The following NOC3L variants were observed in gnomAD, a reference collection of about 807,000 sequenced individuals.
NOC3L encodes nucleolar complex protein 3 homolog.
Under a neutral mutation model 102.5 loss-of-function variants are expected in NOC3L, and 85 were observed. The ratio of observed to expected loss-of-function variants is 0.83; its 90% CI spans 0.70 to 0.99. NOC3L has a LOEUF of 0.99. NOC3L is among the 50% of genes least tolerant of loss of function. NOC3L has a pLI of 0.00. For missense variants in NOC3L, 878 were observed against 914.9 expected (o/e 0.96, Z 0.52); for synonymous variants, 303 against 309.4 (o/e 0.98, Z 0.22).
chr10:94,349,343 G>C lies in NOC3L; in HGVS notation c.1164C>G (p.Leu388=). Residue 388 remains leucine, a synonymous_variant, in exon 10 of 21, where the codon CTC becomes CTG. Transcript: ENST00000371361. ...SEMCCEAVKK[L]FKQDKLGQAS... Reference sequence around the variant, plus strand: ...CTTGGCCTAATTTATCTTGCTTAAAGAGTTTCTTCACAGCTTCACAACACA... The same window carrying C: ...CTTGGCCTAATTTATCTTGCTTAAACAGTTTCTTCACAGCTTCACAACACA... 6.3e-7 allele frequency: 1 copy of C among 1,581,738 alleles called. No homozygotes were observed. Among genetic ancestry groups the C allele is most frequent in the Non-Finnish European group, 8.5e-7 (1 of 1,171,624 alleles).
At chr10:94,349,674 T>C (rs1467429832) in intron 9 of NOC3L, among the ~76,000 whole-genome samples, 2 of 152,318 alleles carry the variant, frequency 1.3e-5, no homozygotes, top group Admixed American at 6.5e-5. Context: ...GTTTAATAAA[T>C]TGACATTATT....
intron 5 of NOC3L, among the ~76,000 whole-genome samples, chr10:94,355,955 A>G (rs544194196): frequency 9.2e-5 from 14 of 152,324 alleles, no homozygotes; most frequent in African/African-American, 2.2e-4. Flanking sequence ...AAACAGTTAA[A>G]CAGTTGACCT....
At position 94,346,414 on chromosome 10, in the gene NOC3L, A is replaced by C; in HGVS notation, c.1389+11T>G. 4 of 1,471,492 alleles carry C rather than the reference A, an allele frequency of 2.7e-6. No individual in the cohort carries two copies. Among genetic ancestry groups the C allele is most frequent in the Non-Finnish European group, 3.6e-6 (4 of 1,105,944 alleles). The allele number at this position is 1,471,492 out of a possible 1,614,324, so 91.2% of individuals were successfully genotyped here. ...AAATTTAAATGAAACAAAAGGGGAA[A>C]TAAGTCAAACCTTTCTCTGCATTCT... On this transcript the variant is annotated intron_variant, in intron 11 of 20. Coordinates refer to ENST00000371361, the MANE Select transcript of NOC3L (RefSeq NM_022451.11).
intron 2 of NOC3L, among the ~76,000 whole-genome samples, chr10:94,359,927 AC>A (rs1306339878): frequency 6.6e-6 from 1 of 152,168 alleles, no homozygotes; most frequent in East Asian, 1.9e-4. Context: ...AAATCAGTAT[AC>A]CGAACAGATA....
intron 2 of NOC3L, among the ~76,000 whole-genome samples, chr10:94,360,443 AG>A (rs1329130202): frequency 6.6e-6 from 1 of 152,244 alleles, no homozygotes; most frequent in Non-Finnish European, 1.5e-5. Context: ...CATTATGCTA[AG>A]TTAAACAAGC....
Position 94,349,381 on chromosome 10 carries a change from G to T in NOC3L, c.1129-3C>A. 6.4e-7 allele frequency: 1 copy of T among 1,571,730 alleles called. No homozygotes were observed. Among genetic ancestry groups the T allele is most frequent in the South Asian group, 1.2e-5 (1 of 83,100 alleles). The stretch of plus-strand genomic sequence containing the variant: ...GCTTCACAACACATTTCAGATATCT[G>T]AAAAATAAAATGTCATACTTAACCA... On this transcript the variant is annotated splice_polypyrimidine_tract_variant and splice_region_variant and intron_variant, in intron 9 of 20. Coordinates refer to ENST00000371361, the MANE Select transcript of NOC3L (RefSeq NM_022451.11).
intron 8 of NOC3L, 91 bp downstream of exon 8, chr10:94,352,219 C>T (rs1416896408): frequency 3.8e-6 from 3 of 799,004 alleles, no homozygotes; most frequent in Non-Finnish European, 5.9e-6. Flanking sequence ...CCATACCTGC[C>T]TCTCACTACA....
intron 11 of NOC3L, among the ~76,000 whole-genome samples, chr10:94,345,449 C>A (rs994912881): frequency 6.6e-6 from 1 of 151,788 alleles, no homozygotes; most frequent in Non-Finnish European, 1.5e-5. Context: ...ATAAAATATC[C>A]TTTTTTTTCT....
In NOC3L at chr10:94,334,263, T is replaced by A. The variant is rs370227016; in HGVS notation, c.2317A>T (p.Asn773Tyr). Reference protein sequence around the residue: ...QGDSFLNEDLNQLIKRYSSEV... With the variant: ...QGDSFLNEDLYQLIKRYSSEV... The stretch of plus-strand genomic sequence containing the variant: ...CTGGAGTATCTTTTGATTAGCTGAT[T>A]TAAATCTTCATTCAAAAATGAATCC... The change falls in exon 21 of 21, where the codon AAT (asparagine) becomes TAT (tyrosine). Residue 773 changes from asparagine to tyrosine, a missense_variant. Transcript: ENST00000371361. 1.2e-6 allele frequency: 2 copies of A among 1,610,810 alleles called. No individual in the cohort carries two copies. The highest frequency in any genetic ancestry group is 2.7e-5 in the African/African-American group (2 of 74,854).
At chr10:94,322,770 A>G in the NOC3L span, among the ~76,000 whole-genome samples, 1 of 151,330 alleles carries the variant, frequency 6.6e-6, no homozygotes, top group Admixed American at 6.6e-5. Flanking sequence ...GGGCAACAAG[A>G]GTGAAACTTC....
At position 94,334,663 on chromosome 10, in the gene NOC3L, G is replaced by C; in HGVS notation, c.2245C>G (p.Pro749Ala). The change falls in exon 20 of 21, where the codon CCT (proline) becomes GCT (alanine). Residue 749 changes from proline (P) to alanine (A), a missense_variant. Transcript: ENST00000371361. ...ATTTTGGGGTTTGAAGATTCAACAG[G>C]AGGATTGAATGTCATTTCTGCCATG... is the stretch of plus-strand genomic sequence containing the variant. ...YSMAEMTFNP[P>A]VESSNPKIKG... The C allele has an allele frequency of 1.9e-6, 3 of 1,612,856 alleles. No homozygotes were observed. The highest frequency in any genetic ancestry group is 2.5e-6 in the Non-Finnish European group (3 of 1,179,536).
At chr10:94,320,425 T>G in the NOC3L span, among the ~76,000 whole-genome samples, 1 of 152,260 alleles carries the variant, frequency 6.6e-6, no homozygotes, top group African/African-American at 2.4e-5. Flanking sequence ...TGGGGCAAGC[T>G]TCAGAAGCCA....
rs200833671 is a variant in NOC3L, at chr10:94,340,516, G to C, written c.1645-20C>G. 40 of 1,218,804 alleles carry C rather than the reference G, an allele frequency of 3.3e-5. No homozygotes were observed. The highest frequency in any genetic ancestry group is 4.2e-5 in the Non-Finnish European group (36 of 865,974). 75.5% of individuals were successfully genotyped at this position (1,218,804 alleles called of 1,614,324 possible). A position where few individuals can be genotyped will look rare whatever the true frequency, so the allele number is the denominator to read the frequency against. On this transcript the variant is annotated intron_variant, in intron 14 of 20. Transcript: ENST00000371361. ...TAGGTCCTTTAAAAAAAAAAGGGGG[G>C]GGTGAGGGGGATGGAATATTAAGAA...
At chr10:94,358,681 C>T (rs1003840929) in intron 2 of NOC3L, among the ~76,000 whole-genome samples, 5 of 152,172 alleles carry the variant, frequency 3.3e-5, no homozygotes, top group African/African-American at 1.2e-4. Flanking sequence ...ATTCCAAACC[C>T]TAGTGCTCAC....
chr10:94,324,693 A>C, the NOC3L span: 1 of 1,019,084 alleles, frequency 9.8e-7, no homozygotes, highest in Non-Finnish European at 1.5e-6. Flanking sequence ...AGTTAGGAGA[A>C]AATTGTTTGG....
rs746433275 is a variant in NOC3L at position 94,352,403 on chromosome 10, T to A, written c.859A>T (p.Thr287Ser). 8 of 1,603,112 alleles carry A rather than the reference T, an allele frequency of 5.0e-6. No homozygotes were observed. The African/African-American group carries it at 1.1e-4, about 22-fold the overall frequency. The change falls in exon 8 of 21, where the codon ACC becomes TCC. Residue 287 changes from threonine to serine, a missense_variant and splice_region_variant. By Grantham distance (58) the Thr-to-Ser change is moderately conservative (BLOSUM62 1). Coordinates refer to ENST00000371361, the MANE Select transcript of NOC3L (RefSeq NM_022451.11). Reference protein sequence around the residue: ...PLTEAEKSTKTRKETQKLREF... With the variant: ...PLTEAEKSTKSRKETQKLREF... ...CTTAACTTCTGGGTTTCTTTTCGGG[T>A]CTGAAAAGACCAAAAAGGTCAATCA...
chr10:94,337,014 A>G (rs1423131073), intron 19 of NOC3L, among the ~76,000 whole-genome samples: 3 of 151,118 alleles, frequency 2.0e-5, no homozygotes, highest in Admixed American at 6.6e-5. Context: ...GGTTGCAGTG[A>G]GCCGAAATTG....
At chr10:94,331,156 A>G (rs2054151977), downstream of NOC3L, 2 of 152,232 alleles carry the variant, frequency 1.3e-5, no homozygotes, top group African/African-American at 4.8e-5. Flanking sequence ...GTCAATATGA[A>G]GTCTAGACTC....
intron 6 of NOC3L, among the ~76,000 whole-genome samples, chr10:94,353,260 T>C (rs1006589539): frequency 6.6e-6 from 1 of 152,216 alleles, no homozygotes; most frequent in Admixed American, 6.5e-5. Flanking sequence ...AGTCCGTTCT[T>C]GTATTGCTAG....
Sources: allele counts gnomAD v4.1 joint callset (sites outside exome capture counted in the v4.1 genomes callset), GRCh38; gene constraint gnomAD v4.1.1; transcripts MANE v1.5; gene names NCBI Gene and HGNC (gene_info 2026-07-23, HGNC 2026-07-21).